Variants in CDKL1 observed in about 807,000 individuals in gnomAD.
The protein encoded by CDKL1 is cyclin dependent kinase like 1, also known as cyclin-dependent kinase-like 1.
Under a neutral mutation model 42.0 loss-of-function variants are expected in CDKL1, and 41 were observed. The observed-to-expected ratio is 0.98, with a 90% CI of 0.76 to 1.27. The LOEUF is 1.27. Ranked by LOEUF, CDKL1 falls within the 50% of genes most tolerant of loss-of-function variation. CDKL1 has a pLI of 0.00. For missense variants in CDKL1, 394 were observed against 428.4 expected (o/e 0.92, Z 0.71); for synonymous variants, 153 against 158.6 (o/e 0.96, Z 0.26).
At chr14:50,347,674 G>T (rs374849703) in intron 3 of CDKL1, among the ~76,000 whole-genome samples, 1 of 152,218 alleles carries the variant, frequency 6.6e-6, no homozygotes, top group African/African-American at 2.4e-5. Flanking sequence ...AAGGAAGACT[G>T]TGAGTCAGCA....
intron 7 of CDKL1, chr14:50,335,426 C>T: frequency 6.8e-7 from 1 of 1,478,128 alleles, no homozygotes; most frequent in Non-Finnish European, 9.1e-7. Flanking sequence ...ACTGTTGTCT[C>T]CTCCCACTAG....
Position 50,351,612 on chromosome 14 carries a change from G to A in CDKL1, c.291-6554C>T, listed in dbSNP as rs141789495. On this transcript the variant is annotated intron_variant, in intron 3 of 9. Transcript: ENST00000395834. ...TAGCCAAGCGTGGTGGCAGGCACCT[G>A]TAGTCCCAGCTACTTAGAAGGCTGA... Among the ~76,000 whole-genome samples the A allele has an allele frequency of 3.0e-4, 45 of 152,036 alleles. 1 individual carries two copies. The highest frequency in any genetic ancestry group is 9.9e-4 in the African/African-American group (41 of 41,480).
chr14:50,335,533 C>CA, intron 7 of CDKL1: 1 of 1,536,074 alleles, frequency 6.5e-7, no homozygotes, highest in Non-Finnish European at 8.7e-7. Context: ...TTGCGCCAGT[C>CA]ACGTGCTGGA....
chr14:50,341,200 CCACGTAGTCTGTATAGTAGT>C lies in CDKL1; in HGVS notation c.467_486del (p.Asp156GlyfsTer9), dbSNP rs751220433. 1.9e-6 allele frequency: 3 copies of C among 1,614,004 alleles called. No homozygotes were observed. The South Asian group carries it at 3.3e-5, about 18-fold the overall frequency. ...TCAGGGGAGCGGTACCACCTGGTAG[CCACGTAGTCTGTATAGTAGT>C]CACTCGGTCCAGCTAGCCAGTGATG... On this transcript the variant is annotated frameshift_variant, in exon 6 of 10. Transcript: ENST00000395834. LOFTEE classifies it high-confidence loss of function.
intron 8 of CDKL1, chr14:50,332,771 C>G (rs2033031592): frequency 2.0e-6 from 2 of 989,190 alleles, no homozygotes; most frequent in Non-Finnish European, 1.5e-6. Context: ...TGGTCCCTTG[C>G]ATGTACTTTG....
upstream of CDKL1, chr14:50,397,251 G>GGA (rs2035443841): frequency 7.3e-7 from 1 of 1,366,578 alleles, no homozygotes; most frequent in African/African-American, 1.5e-5. Flanking sequence ...TGGTCCCTTG[G>GGA]AGGCATCTTC....
chr14:50,390,118 C>A (rs1221461377), intron 2 of CDKL1: 5 of 1,359,590 alleles, frequency 3.7e-6, no homozygotes, highest in African/African-American at 1.5e-5. Context: ...TACTAGGTCC[C>A]TTGCCCCTAC....
At chr14:50,360,312 C>A (rs188694261) in intron 2 of CDKL1, among the ~76,000 whole-genome samples, 1 of 152,306 alleles carries the variant, frequency 6.6e-6, no homozygotes, top group East Asian at 1.9e-4. Flanking sequence ...ATCACCAGAA[C>A]TCTTTTCACT....
Position 50,326,508 on chromosome 14 carries a change from T to C in CDKL1, c.*3566A>G, listed in dbSNP as rs540815766. The C allele has an allele frequency of 4.5e-5, 44 of 985,458 alleles. No homozygotes were observed. In the East Asian group the frequency reaches 4.5e-3, roughly 102 times the overall value. The allele number at this position is 985,458 out of a possible 1,614,324, so 61.0% of individuals were successfully genotyped here. ...GGTCAGTGGTTGTTGAAGCATGCAT[T>C]GCTTCAACAGGATTTGCGTGCATTT... is the stretch of plus-strand genomic sequence containing the variant. On this transcript the variant is annotated 3_prime_UTR_variant, in exon 10 of 10. Transcript: ENST00000395834.
chr14:50,359,183 A>C (rs375240846), intron 2 of CDKL1, 34 bp from the exon 3 acceptor site: 3 of 1,587,172 alleles, frequency 1.9e-6, no homozygotes, highest in Non-Finnish European at 2.6e-6. Flanking sequence ...ACTAAATTTG[A>C]CTTGTGAAAG....
intron 7 of CDKL1, chr14:50,335,602 G>C (rs1033078633): frequency 2.0e-6 from 3 of 1,534,386 alleles, no homozygotes; most frequent in Non-Finnish European, 2.6e-6. Flanking sequence ...AGACAAACAG[G>C]CCAGTTAAAG....
At chr14:50,367,134 C>T (rs1040214321) in intron 2 of CDKL1, among the ~76,000 whole-genome samples, 39 of 152,218 alleles carry the variant, frequency 2.6e-4, no homozygotes, top group African/African-American at 9.4e-4. Context: ...GGGAAGAAAG[C>T]CCCTTAAGAT....
chr14:50,348,137 ATTAAC>A (rs1215765376), intron 3 of CDKL1, among the ~76,000 whole-genome samples: 23 of 152,338 alleles, frequency 1.5e-4, no homozygotes, highest in Middle Eastern at 3.4e-3. Flanking sequence ...ATGAAAGATA[ATTAAC>A]TTAACAATCC....
intron 2 of CDKL1, among the ~76,000 whole-genome samples, chr14:50,375,654 G>A (rs972746856): frequency 1.3e-5 from 2 of 152,134 alleles, no homozygotes; most frequent in South Asian, 2.1e-4. Flanking sequence ...AAAATTAGCC[G>A]GGTGTGGTGG....
intron 5 of CDKL1, among the ~76,000 whole-genome samples, chr14:50,341,800 T>G: frequency 6.6e-6 from 1 of 150,722 alleles, no homozygotes; most frequent in East Asian, 2.0e-4. Flanking sequence ...AAAAAAAAGT[T>G]CCCCAGGTGA....
At chr14:50,349,202 G>A (rs1432787353) in intron 3 of CDKL1, among the ~76,000 whole-genome samples, 1 of 152,172 alleles carries the variant, frequency 6.6e-6, no homozygotes, top group African/African-American at 2.4e-5. Context: ...CTTGGCACTA[G>A]AAGATAGAAG....
rs555134559 is a variant in CDKL1 at position 50,395,733 on chromosome 14, T to C, written c.136A>G (p.Lys46Glu). The change falls in exon 2 of 10, where the codon AAA becomes GAA. Residue 46 changes from lysine (K) to glutamate (E), a missense_variant. Lys to Glu is a moderately conservative substitution (Grantham distance 56, BLOSUM62 1). Coordinates refer to ENST00000395834, the MANE Select transcript of CDKL1 (RefSeq NM_004196.7). Reference protein sequence around the residue: ...LESEDDPVIKKIALREIRMLK... With the variant: ...LESEDDPVIKEIALREIRMLK... Reference sequence around the variant, plus strand: ...ATTCGGATTTCCCGAAGGGCAATTTTCTTTATGACAGGGTCATCTTCTGAT... The same window carrying C: ...ATTCGGATTTCCCGAAGGGCAATTTCCTTTATGACAGGGTCATCTTCTGAT... 9.3e-6 allele frequency: 15 copies of C among 1,613,292 alleles called. No homozygotes were observed. The highest frequency in any genetic ancestry group is 1.3e-5 in the Non-Finnish European group (15 of 1,179,520).
intron 2 of CDKL1, among the ~76,000 whole-genome samples, chr14:50,382,447 T>A (rs1001063204): frequency 6.6e-6 from 1 of 151,716 alleles, no homozygotes; most frequent in Non-Finnish European, 1.5e-5. Flanking sequence ...CAAGACTCCA[T>A]CTCAAAAAAA....
At chr14:50,341,368 A>G in intron 5 of CDKL1, 136 bp from the exon 6 acceptor site, 1 of 1,245,148 alleles carries the variant, frequency 8.0e-7, no homozygotes, top group Non-Finnish European at 1.1e-6. Context: ...CTAGTTGCAC[A>G]TTCAAATCAC....
Sources: allele counts gnomAD v4.1 joint callset (sites outside exome capture counted in the v4.1 genomes callset), GRCh38; gene constraint gnomAD v4.1.1; transcripts MANE v1.5; gene names NCBI Gene and HGNC (gene_info 2026-07-23, HGNC 2026-07-21).